SLC25A42: variants seen among roughly 807,000 people sequenced by gnomAD.
SLC25A42 encodes the protein mitochondrial coenzyme A transporter SLC25A42.
Under a neutral mutation model 34.7 loss-of-function variants are expected in SLC25A42, and 19 were observed. That is an observed-to-expected ratio of 0.55 (90% CI 0.38 to 0.80). SLC25A42 has a LOEUF of 0.80. SLC25A42 is among the 30% of genes least tolerant of loss of function. SLC25A42 has a pLI of 0.00. For synonymous variants in SLC25A42, 205 were observed against 191.2 expected, an observed-to-expected ratio of 1.07 and a Z score of -0.59; for missense variants, 364 against 441.3, an observed-to-expected ratio of 0.82 and a Z score of 1.57.
intron 7 of SLC25A42, 116 bp downstream of exon 7, chr19:19,108,161 G>C: frequency 8.2e-7 from 1 of 1,225,858 alleles, no homozygotes; most frequent in East Asian, 2.7e-5. Flanking sequence ...CGACCCCTGG[G>C]TGGGGCAGGC....
At chr19:19,090,488 G>T (rs1004559445) in intron 1 of SLC25A42, among the ~76,000 whole-genome samples, 1 of 152,080 alleles carries the variant, frequency 6.6e-6, no homozygotes, top group Non-Finnish European at 1.5e-5. Context: ...TTTATGTTAG[G>T]TTTGATGAAG....
intron 5 of SLC25A42, 99 bp downstream of exon 5, chr19:19,105,826 C>T (rs530254742): frequency 2.9e-6 from 3 of 1,048,792 alleles, no homozygotes; most frequent in East Asian, 2.7e-5. Context: ...GTGCCTTGCC[C>T]CTAGCCCTGC....
chr19:19,095,596 G>A (rs1035596944), intron 1 of SLC25A42, among the ~76,000 whole-genome samples: 1 of 152,212 alleles, frequency 6.6e-6, no homozygotes, highest in Non-Finnish European at 1.5e-5. Flanking sequence ...CTGGGTGACA[G>A]AGTGAGACTC....
chr19:19,106,522 G>A, intron 6 of SLC25A42, 137 bp downstream of exon 6: 1 of 608,304 alleles, frequency 1.6e-6, no homozygotes, highest in South Asian at 2.3e-5. Flanking sequence ...GGCCTGATGT[G>A]TCATTCTGCA....
chr19:19,068,730 C>T (rs989733096), intron 1 of SLC25A42, among the ~76,000 whole-genome samples: 1 of 151,360 alleles, frequency 6.6e-6, no homozygotes, highest in Non-Finnish European at 1.5e-5. Flanking sequence ...CCCAGCTACT[C>T]GGGAGACTGA....
At chr19:19,098,091 C>T (rs991851866) in intron 2 of SLC25A42, among the ~76,000 whole-genome samples, 2 of 152,226 alleles carry the variant, frequency 1.3e-5, no homozygotes, top group African/African-American at 2.4e-5. Context: ...GATCTCCCCA[C>T]GTGATGGATC....
At chr19:19,107,857 C>G (rs1460398640) in intron 6 of SLC25A42, 37 bp from the exon 7 acceptor site, 1 of 1,612,246 alleles carries the variant, frequency 6.2e-7, no homozygotes, top group Admixed American at 1.7e-5. Context: ...GCCTGGGAGG[C>G]CTGAGTCCCA....
chr19:19,096,852 G>T (rs1483890373), intron 2 of SLC25A42, among the ~76,000 whole-genome samples: 1 of 151,986 alleles, frequency 6.6e-6, no homozygotes, highest in Non-Finnish European at 1.5e-5. Context: ...CAGTTGAATC[G>T]CTTGAACCTG....
intron 1 of SLC25A42, among the ~76,000 whole-genome samples, chr19:19,077,445 G>A (rs953964338): frequency 1.8e-4 from 28 of 152,198 alleles, no homozygotes; most frequent in Non-Finnish European, 3.5e-4. Flanking sequence ...CCTCATATAA[G>A]TGGATTCGTA....
intron 2 of SLC25A42, among the ~76,000 whole-genome samples, chr19:19,097,514 G>A (rs1001967615): frequency 1.5e-4 from 23 of 152,342 alleles, no homozygotes; most frequent in East Asian, 5.8e-4. Flanking sequence ...TGAACCACAC[G>A]CAGAAATGCG....
intron 1 of SLC25A42, 51 bp from the exon 2 acceptor site, chr19:19,096,040 A>T: frequency 8.1e-7 from 1 of 1,231,644 alleles, no homozygotes; most frequent in East Asian, 2.5e-5. Context: ...TGGAACACCC[A>T]CCATCTCTCA....
intron 2 of SLC25A42, 35 bp from the exon 3 acceptor site, chr19:19,101,746 T>A (rs375303673): frequency 1.9e-6 from 3 of 1,584,566 alleles, no homozygotes; most frequent in Non-Finnish European, 2.6e-6. Context: ...GCCGCCCCCC[T>A]GCCCTCTGAC....
chr19:19,090,723 C>T (rs1324136721), intron 1 of SLC25A42, among the ~76,000 whole-genome samples: 1 of 152,142 alleles, frequency 6.6e-6, no homozygotes, highest in Non-Finnish European at 1.5e-5. Flanking sequence ...CTTAGCAAGG[C>T]CTGTTTGTTC....
intron 1 of SLC25A42, among the ~76,000 whole-genome samples, chr19:19,093,061 C>A (rs1013214620): frequency 6.6e-6 from 1 of 152,284 alleles, no homozygotes; most frequent in South Asian, 2.1e-4. Flanking sequence ...TGCTCTGTCA[C>A]CTGCGCTGGA....
intron 7 of SLC25A42, 116 bp from the exon 8 acceptor site, chr19:19,110,453 G>C: frequency 1.3e-6 from 1 of 769,348 alleles, no homozygotes. Flanking sequence ...GGGGGTGCAA[G>C]TGCATGTGTG....
At chr19:19,070,525 C>T (rs1373741525) in intron 1 of SLC25A42, among the ~76,000 whole-genome samples, 1 of 150,900 alleles carries the variant, frequency 6.6e-6, no homozygotes, top group African/African-American at 2.4e-5. Context: ...CTTGAACTGA[C>T]CTCAAGTGAT....
chr19:19,105,806 CCT>C lies in SLC25A42; in HGVS notation c.380+81_380+82del, dbSNP rs2059823902. On this transcript the variant is annotated intron_variant, in intron 5 of 7. Transcript: ENST00000318596. ...TCTCTTTCTTCTGCACGCCCCGCTC[CCT>C]CCTCTTCGTGCCTTGCCCCTAGCCC... 3 of 1,242,330 alleles carry C rather than the reference CCT, an allele frequency of 2.4e-6. No individual in the cohort carries two copies. The African/African-American group carries it at 4.5e-5, about 19-fold the overall frequency. 77.0% of individuals were successfully genotyped at this position (1,242,330 alleles called of 1,614,324 possible).
chr19:19,106,153 C>T, intron 5 of SLC25A42, 116 bp from the exon 6 acceptor site: 1 of 854,596 alleles, frequency 1.2e-6, no homozygotes, highest in Admixed American at 2.3e-5. Flanking sequence ...CCTCGTGTTC[C>T]TCGGTCCCCA....
chr19:19,105,565 C>G lies in SLC25A42; in HGVS notation c.218C>G (p.Ala73Gly). The G allele has an allele frequency of 6.2e-7, 1 of 1,611,046 alleles. No homozygotes were observed. Among genetic ancestry groups the G allele is most frequent in the Non-Finnish European group, 8.5e-7 (1 of 1,177,798 alleles). The change falls in exon 5 of 8, where the codon GCC (alanine) becomes GGC (glycine). Residue 73 changes from alanine (A) to glycine (G), a missense_variant. Coordinates refer to ENST00000318596, the MANE Select transcript of SLC25A42 (RefSeq NM_178526.5). ...GACCTTCCCGCTTATCTCCAGGAGG[C>G]CTTCCGGGTCCTCTACTACACCTAC... ...VSSKRFSAKE[A>G]FRVLYYTYLN... is the part of the protein sequence containing the mutation.
Sources: gnomAD v4.1 joint callset for allele counts (sites outside exome capture counted in the v4.1 genomes callset) on GRCh38, gnomAD v4.1.1 for gene constraint, MANE v1.5 for transcripts, NCBI Gene and HGNC (gene_info 2026-07-23, HGNC 2026-07-21) for gene names.